Variants in AXDND1 observed in about 807,000 individuals in gnomAD.
AXDND1 encodes the protein axonemal dynein light chain domain-containing protein 1.
A neutral mutation model predicts 137.5 loss-of-function variants in AXDND1; 110 were observed. That is an observed-to-expected ratio of 0.80 (90% confidence interval 0.69 to 0.94). The LOEUF is 0.94. Among genes scored for constraint, AXDND1 ranks in the 40% least tolerant of loss-of-function variants. The pLI, the probability that AXDND1 is intolerant of heterozygous loss-of-function variation, is 0.00. For synonymous variants in AXDND1, 414 were observed against 399.7 expected, an observed-to-expected ratio of 1.04 and a Z score of -0.43; for missense variants, 1,191 against 1,169.8, an observed-to-expected ratio of 1.02 and a Z score of -0.26.
At chr1:179,373,568 T>A (rs1158040627) in intron 4 of AXDND1, among the ~76,000 whole-genome samples, 2 of 152,110 alleles carry the variant, frequency 1.3e-5, no homozygotes, top group Admixed American at 6.6e-5. Context: ...GCTACCTGAC[T>A]TCAAACTATA....
chr1:179,410,104 T>G (rs1391310584), intron 11 of AXDND1, among the ~76,000 whole-genome samples: 2 of 152,198 alleles, frequency 1.3e-5, no homozygotes, highest in Non-Finnish European at 2.9e-5. Context: ...TTTATTATTT[T>G]GAACAAATGA....
chr1:179,426,364 G>A (rs896366625), intron 12 of AXDND1, among the ~76,000 whole-genome samples: 5 of 152,072 alleles, frequency 3.3e-5, no homozygotes, highest in Admixed American at 1.3e-4. Context: ...ATAAATATAT[G>A]AAAATATGTT....
At chr1:179,387,878 G>A (rs368972534) in intron 9 of AXDND1, among the ~76,000 whole-genome samples, 1 of 152,136 alleles carries the variant, frequency 6.6e-6, no homozygotes, top group African/African-American at 2.4e-5. Flanking sequence ...TTGGTCTTGG[G>A]TAGTTTTCTC....
chr1:179,492,523 T>G (rs1308522081), intron 19 of AXDND1, among the ~76,000 whole-genome samples: 1 of 152,158 alleles, frequency 6.6e-6, no homozygotes, highest in Non-Finnish European at 1.5e-5. Context: ...TGGAAAATTG[T>G]AATCTATTAA....
At chr1:179,415,267 G>A (rs1571724167) in intron 12 of AXDND1, among the ~76,000 whole-genome samples, 1 of 152,114 alleles carries the variant, frequency 6.6e-6, no homozygotes, top group South Asian at 2.1e-4. Flanking sequence ...GCTTGAACCC[G>A]GGAGGTGGAG....
chr1:179,508,199 G>A (rs1434795068), intron 20 of AXDND1, among the ~76,000 whole-genome samples: 1 of 152,054 alleles, frequency 6.6e-6, no homozygotes, highest in African/African-American at 2.4e-5. Flanking sequence ...AGCCAGGTAT[G>A]GTGGTGCACA....
intron 12 of AXDND1, among the ~76,000 whole-genome samples, chr1:179,413,577 T>C (rs1263474108): frequency 3.3e-5 from 5 of 152,264 alleles, no homozygotes; most frequent in African/African-American, 1.2e-4. Context: ...AGCATATAAT[T>C]TCATTCTCTT....
intron 12 of AXDND1, among the ~76,000 whole-genome samples, chr1:179,417,092 G>A (rs1654821006): frequency 6.6e-6 from 1 of 151,772 alleles, no homozygotes; most frequent in African/African-American, 2.4e-5. Context: ...GATTACTGAT[G>A]TTGAGCATTT....
intron 16 of AXDND1, among the ~76,000 whole-genome samples, chr1:179,466,236 G>A (rs113273483): frequency 0.029 from 4,414 of 150,960 alleles, 208 homozygotes; most frequent in African/African-American, 0.1. Context: ...GTTCCTATTC[G>A]GCCATCTTGG....
intron 25 of AXDND1, chr1:179,552,597 G>T: frequency 6.2e-7 from 1 of 1,612,386 alleles, no homozygotes. Context: ...AGGATGGAGT[G>T]CTCACCCGCA....
intron 20 of AXDND1, among the ~76,000 whole-genome samples, chr1:179,505,587 G>C (rs547873272): frequency 4.6e-5 from 7 of 151,742 alleles, no homozygotes; most frequent in African/African-American, 1.7e-4. Context: ...GGTAGAGGTT[G>C]TGCCGAGCCG....
intron 11 of AXDND1, among the ~76,000 whole-genome samples, chr1:179,410,650 AG>A (rs1203754723): frequency 6.6e-6 from 1 of 152,242 alleles, no homozygotes; most frequent in African/African-American, 2.4e-5. Context: ...TAAAGGGTTA[AG>A]GGACAATTTT....
intron 16 of AXDND1, chr1:179,454,753 C>T (rs1218466517): frequency 1.3e-5 from 2 of 152,138 alleles, no homozygotes; most frequent in South Asian, 2.1e-4. Flanking sequence ...ATTAAGTGGA[C>T]TTGTTCAACA....
chr1:179,381,161 C>T (rs1043245601), intron 6 of AXDND1, among the ~76,000 whole-genome samples: 2 of 150,954 alleles, frequency 1.3e-5, no homozygotes, highest in East Asian at 1.9e-4. Flanking sequence ...CTGCCTCAGC[C>T]TCCTGAGTAG....
chr1:179,523,675 G>A (rs557628346), intron 21 of AXDND1, among the ~76,000 whole-genome samples: 2 of 152,240 alleles, frequency 1.3e-5, no homozygotes, highest in African/African-American at 4.8e-5. Context: ...AGTGTTTTCA[G>A]AGGTCAGCCA....
chr1:179,551,653 T>G, intron 25 of AXDND1: 1 of 612,302 alleles, frequency 1.6e-6, no homozygotes, highest in Non-Finnish European at 2.9e-6. Flanking sequence ...TAAGGTGGAA[T>G]GCGTTAGGAG....
At chr1:179,371,343 G>C (rs1668016999) in intron 4 of AXDND1, among the ~76,000 whole-genome samples, 1 of 152,142 alleles carries the variant, frequency 6.6e-6, no homozygotes, top group South Asian at 2.1e-4. Flanking sequence ...CAGGAGAATT[G>C]CTTGAATCCA....
chr1:179,368,229 C>T (rs1263582457), intron 2 of AXDND1, among the ~76,000 whole-genome samples: 1 of 152,146 alleles, frequency 6.6e-6, no homozygotes, highest in African/African-American at 2.4e-5. Flanking sequence ...GGGTAGAACA[C>T]TCTTTTTACA....
chr1:179,416,222 C>T (rs557961755), intron 12 of AXDND1, among the ~76,000 whole-genome samples: 1 of 152,278 alleles, frequency 6.6e-6, no homozygotes, highest in African/African-American at 2.4e-5. Context: ...TTTCACTTAA[C>T]AAAATGACCT....
Sources: allele counts gnomAD v4.1 joint callset (sites outside exome capture counted in the v4.1 genomes callset), GRCh38; gene constraint gnomAD v4.1.1; transcripts MANE v1.5; gene names NCBI Gene and HGNC (gene_info 2026-07-23, HGNC 2026-07-21).